GRIP1: variants seen among roughly 807,000 people sequenced by gnomAD.
GRIP1 encodes glutamate receptor-interacting protein 1.
In GRIP1, 45 loss-of-function variants were observed where a neutral mutation model predicts 129.9. The ratio of observed to expected loss-of-function variants is 0.35; its 90% confidence interval spans 0.27 to 0.44. The LOEUF is 0.44. Among genes scored for constraint, GRIP1 ranks in the 20% least tolerant of loss-of-function variants. The pLI is 1.00. For synonymous variants in GRIP1, 530 were observed against 520.8 expected (o/e 1.02, Z -0.24); for missense variants, 1,196 against 1,396.8 (o/e 0.86, Z 2.29).
At position 66,529,807 on chromosome 12, in the gene GRIP1, T is replaced by G. The variant is rs1171035071; in HGVS notation, c.502+24A>C. On this transcript the variant is annotated intron_variant, in intron 5 of 24. Transcript: ENST00000359742. The stretch of plus-strand genomic sequence containing the variant: ...ACCTATGGAAATATTTTTTTTAAAG[T>G]AGATTTTTCTAACCAACACCTACCT... The G allele has an allele frequency of 3.9e-6, 5 of 1,276,224 alleles. No individual in the cohort carries two copies. In the East Asian group the frequency reaches 1.2e-4, roughly 29 times the overall value. 79.1% of individuals were successfully genotyped at this position (1,276,224 alleles called of 1,614,324 possible).
intron 1 of GRIP1, among the ~76,000 whole-genome samples, chr12:66,998,976 T>C (rs541011305): frequency 6.6e-6 from 1 of 152,120 alleles, no homozygotes; most frequent in East Asian, 1.9e-4. Flanking sequence ...CTCATTTGAG[T>C]CTAAGCTCAA....
intron 1 of GRIP1, among the ~76,000 whole-genome samples, chr12:66,730,701 C>CAAAAAA (rs3051132): frequency 0.014 from 1,020 of 71,114 alleles, 40 homozygotes; most frequent in Non-Finnish European, 0.021. Context: ...GGGTCATCTA[C>CAAAAAA]AAAAAAAAAA....
intron 7 of GRIP1, among the ~76,000 whole-genome samples, chr12:66,484,891 T>C (rs764815052): frequency 6.6e-6 from 1 of 152,226 alleles, no homozygotes; most frequent in Admixed American, 6.5e-5. Context: ...TCCCTATTAC[T>C]CTGAGTTGAT....
intron 1 of GRIP1, among the ~76,000 whole-genome samples, chr12:66,912,073 T>C (rs2041039500): frequency 6.6e-6 from 1 of 152,246 alleles, no homozygotes; most frequent in Non-Finnish European, 1.5e-5. Flanking sequence ...ATTTTAGTTT[T>C]ACTTTGTAAT....
intron 1 of GRIP1, among the ~76,000 whole-genome samples, chr12:66,625,235 T>C (rs770336901): frequency 1.3e-5 from 2 of 152,178 alleles, no homozygotes; most frequent in African/African-American, 2.4e-5. Flanking sequence ...TCTTAACCAA[T>C]GTAACTCGCA....
At chr12:66,441,553 C>T (rs2058472039) in intron 13 of GRIP1, among the ~76,000 whole-genome samples, 1 of 152,142 alleles carries the variant, frequency 6.6e-6, no homozygotes, top group Admixed American at 6.5e-5. Flanking sequence ...CCAGTGGCAA[C>T]ACAAATTTGG....
intron 15 of GRIP1, 77 bp downstream of exon 15, chr12:66,420,643 C>T: frequency 1.2e-6 from 1 of 827,192 alleles, no homozygotes; most frequent in Non-Finnish European, 2.1e-6. Flanking sequence ...GAAAGGTTTG[C>T]TTTGGGTGTG....
chr12:66,622,963 C>T (rs941131402), intron 1 of GRIP1, among the ~76,000 whole-genome samples: 4 of 152,170 alleles, frequency 2.6e-5, no homozygotes, highest in Admixed American at 6.6e-5. Context: ...TTACTGTTTA[C>T]TTAGCTGTCT....
intron 1 of GRIP1, among the ~76,000 whole-genome samples, chr12:66,739,753 A>AT (rs2036728968): frequency 2.0e-5 from 3 of 151,958 alleles, no homozygotes; most frequent in Non-Finnish European, 4.4e-5. Context: ...TAAAATAAAA[A>AT]AAAAAAAACC....
At chr12:66,647,107 T>C (rs575699075) in intron 1 of GRIP1, among the ~76,000 whole-genome samples, 15 of 152,282 alleles carry the variant, frequency 9.9e-5, no homozygotes, top group African/African-American at 1.4e-4. Flanking sequence ...AACTTAACCA[T>C]TGTGCTAGAC....
chr12:66,400,388 A>C (rs780675891), intron 16 of GRIP1, among the ~76,000 whole-genome samples: 3 of 152,158 alleles, frequency 2.0e-5, no homozygotes, highest in Non-Finnish European at 4.4e-5. Context: ...TAGGACAGCC[A>C]AGATCATTCT....
intron 1 of GRIP1, among the ~76,000 whole-genome samples, chr12:66,817,025 G>A (rs979220782): frequency 6.6e-6 from 1 of 151,914 alleles, no homozygotes; most frequent in African/African-American, 2.4e-5. Flanking sequence ...CCTTTCCTCA[G>A]AAAACAAATA....
intron 1 of GRIP1, among the ~76,000 whole-genome samples, chr12:66,858,883 T>C (rs2040051913): frequency 6.6e-6 from 1 of 151,806 alleles, no homozygotes; most frequent in Non-Finnish European, 1.5e-5. Flanking sequence ...AGCATTAATT[T>C]GGTGACTTTT....
rs1167870821 is a variant in GRIP1 at position 66,804,047 on chromosome 12, GCTTA to G, written c.-420+2_-420+5del. The G allele has an allele frequency of 3.1e-5, 14 of 450,350 alleles. No homozygotes were observed. The highest frequency in any genetic ancestry group is 2.6e-4 in the African/African-American group (13 of 49,948). 27.9% of individuals were successfully genotyped at this position (450,350 alleles called of 1,614,324 possible). On this transcript the variant is annotated splice_donor_variant and splice_donor_5th_base_variant and intron_variant, in intron 1 of 4. Coordinates refer to the GRIP1 transcript ENST00000538373. LOFTEE classifies it low-confidence loss of function (5UTR_SPLICE). ...AAGGAACCGGAGGATGGAGAGAAGC[GCTTA>G]CTTCGAAAATGCTCTGAAGCGTAAT... is the stretch of plus-strand genomic sequence containing the variant.
At chr12:66,488,466 G>A (rs1482054252) in intron 7 of GRIP1, among the ~76,000 whole-genome samples, 1 of 152,082 alleles carries the variant, frequency 6.6e-6, no homozygotes, top group Non-Finnish European at 1.5e-5. Flanking sequence ...TTGGGATGCA[G>A]CTAAAGTAAT....
intron 1 of GRIP1, among the ~76,000 whole-genome samples, chr12:66,660,045 A>C (rs761830271): frequency 6.6e-6 from 1 of 152,196 alleles, no homozygotes; most frequent in African/African-American, 2.4e-5. Context: ...AGAGAGAAAA[A>C]CTAAAGTATC....
At chr12:66,535,711 T>C (rs2061585216) in intron 4 of GRIP1, among the ~76,000 whole-genome samples, 1 of 152,220 alleles carries the variant, frequency 6.6e-6, no homozygotes, top group Non-Finnish European at 1.5e-5. Flanking sequence ...TTGATTTTGT[T>C]ACAAAATGAC....
At chr12:66,745,749 G>C (rs1486069360) in intron 1 of GRIP1, among the ~76,000 whole-genome samples, 1 of 152,196 alleles carries the variant, frequency 6.6e-6, no homozygotes, top group African/African-American at 2.4e-5. Context: ...CCAAAGGAAA[G>C]AGGTAAAGAT....
intron 20 of GRIP1, 81 bp from the exon 21 acceptor site, chr12:66,377,366 C>G (rs1024247091): frequency 2.1e-6 from 2 of 939,760 alleles, no homozygotes; most frequent in African/African-American, 1.6e-5. Context: ...CTCTCTCTGT[C>G]GCCCAGGCTG....
Sources: allele counts gnomAD v4.1 joint callset (sites outside exome capture counted in the v4.1 genomes callset), GRCh38; gene constraint gnomAD v4.1.1; transcripts MANE v1.5; gene names NCBI Gene and HGNC (gene_info 2026-07-23, HGNC 2026-07-21).